FXYD5: variants seen among roughly 807,000 people sequenced by gnomAD.
FXYD5 encodes the protein FXYD domain containing ion transport regulator 5, also known as FXYD domain-containing ion transport regulator 5.
FXYD5 carries 21 observed loss-of-function variants against 25.7 expected under a neutral mutation model. The ratio of observed to expected loss-of-function variants is 0.82; its 90% CI spans 0.58 to 1.18. The LOEUF is 1.18. Ranked by LOEUF, FXYD5 falls within the 50% of genes most tolerant of loss-of-function variation. FXYD5 has a pLI of 0.00. For synonymous variants in FXYD5, 101 were observed against 90.7 expected (o/e 1.11, Z -0.64); for missense variants, 229 against 227.7 (o/e 1.01, Z -0.04).
chr19:35,165,205 G>A (rs573819738), intron 6 of FXYD5, among the ~76,000 whole-genome samples: 33 of 152,330 alleles, frequency 2.2e-4, no homozygotes, highest in African/African-American at 7.9e-4. Context: ...GAAAGTAAAG[G>A]AATAAAGAAT....
chr19:35,168,547 G>A (rs894383595), intron 8 of FXYD5, among the ~76,000 whole-genome samples: 3 of 152,134 alleles, frequency 2.0e-5, no homozygotes, highest in South Asian at 2.1e-4. Flanking sequence ...AGGAGAAGAC[G>A]AGGCCAGAGA....
At position 35,158,349 on chromosome 19, in the gene FXYD5, G is replaced by A; in HGVS notation, c.148G>A (p.Val50Ile). The change falls in exon 4 of 9, where the codon GTC (valine) becomes ATC (isoleucine). Residue 50 changes from valine (V) to isoleucine (I), a missense_variant. Coordinates refer to ENST00000392219, the MANE Select transcript of FXYD5 (RefSeq NM_014164.6). ...TCCTTGTTTCTGGACTCCAGATGCA[G>A]TCTACACAGAACTCCAGCCCACCTC... Reference protein sequence around the residue: ...IQVPTRAPDAVYTELQPTSPT... With the variant: ...IQVPTRAPDAIYTELQPTSPT... 6.2e-7 allele frequency: 1 copy of A among 1,605,756 alleles called. No individual in the cohort carries two copies. The highest frequency in any genetic ancestry group is 1.1e-5 in the South Asian group (1 of 90,842).
chr19:35,169,173 G>A (rs1378333412), intron 8 of FXYD5, among the ~76,000 whole-genome samples: 1 of 151,730 alleles, frequency 6.6e-6, no homozygotes, highest in East Asian at 1.9e-4. Context: ...ATTTCCCTTT[G>A]TAGGACTTAA....
chr19:35,157,306 T>C, intron 2 of FXYD5, 115 bp from the exon 3 acceptor site: 3 of 634,654 alleles, frequency 4.7e-6, no homozygotes, highest in Non-Finnish European at 8.6e-6. Context: ...CAGCCAAAGC[T>C]GAGTGATTCC....
At chr19:35,162,379 A>C (rs1438787710) in intron 5 of FXYD5, among the ~76,000 whole-genome samples, 1 of 152,238 alleles carries the variant, frequency 6.6e-6, no homozygotes. Context: ...TTACGATAAC[A>C]AAATACCACA....
At chr19:35,162,285 C>T (rs2145420733) in intron 5 of FXYD5, among the ~76,000 whole-genome samples, 1 of 152,334 alleles carries the variant, frequency 6.6e-6, no homozygotes, top group South Asian at 2.1e-4. Context: ...GCTTCTCTTC[C>T]ACCTAGGAAG....
Position 35,166,284 on chromosome 19 carries a change from T to C in FXYD5, c.446T>C (p.Val149Ala), listed in dbSNP as rs755229821. 28 of 1,608,156 alleles carry C rather than the reference T, an allele frequency of 1.7e-5. No individual in the cohort carries two copies. The highest frequency in any genetic ancestry group is 2.4e-5 in the Non-Finnish European group (28 of 1,176,450). Residue 149 changes from valine (V) to alanine (A), a missense_variant, in exon 8 of 9, where the codon GTC becomes GCC. By Grantham distance (64) the Val-to-Ala change is moderately conservative. Coordinates refer to ENST00000392219, the MANE Select transcript of FXYD5 (RefSeq NM_014164.6). ...ACCCTCCGGAAACGGGGGCTGTTGG[T>C]CGCAGCTGTGCTGTTCATCACAGGC... The part of the protein sequence containing the change: ...EHTLRKRGLL[V>A]AAVLFITGII...
intron 2 of FXYD5, 142 bp downstream of exon 2, chr19:35,155,753 G>A: frequency 1.4e-6 from 1 of 702,664 alleles, no homozygotes; most frequent in Non-Finnish European, 2.5e-6. Context: ...AGGAAGTGGG[G>A]ATCCCTATGG....
chr19:35,168,220 G>A (rs562056570), intron 8 of FXYD5, among the ~76,000 whole-genome samples: 1 of 152,308 alleles, frequency 6.6e-6, no homozygotes, highest in Non-Finnish European at 1.5e-5. Context: ...GGTGATGCTG[G>A]GGGCATGGTG....
At position 35,160,811 on chromosome 19, in the gene FXYD5, G is replaced by A; in HGVS notation, c.292+10G>A. 6.4e-7 allele frequency: 1 copy of A among 1,553,020 alleles called. No individual in the cohort carries two copies. Among genetic ancestry groups the A allele is most frequent in the South Asian group, 1.1e-5 (1 of 89,870 alleles). Reference sequence around the variant, plus strand: ...AAGAGCACCAAAGCAGGTATAGCATGGGACTGAGAGCAGCAGCCTACGATT... The same window carrying A: ...AAGAGCACCAAAGCAGGTATAGCATAGGACTGAGAGCAGCAGCCTACGATT... On this transcript the variant is annotated intron_variant, in intron 5 of 8. Coordinates refer to ENST00000392219, the MANE Select transcript of FXYD5 (RefSeq NM_014164.6).
In FXYD5 at chr19:35,155,592, C is replaced by T. The variant is rs768999659; in HGVS notation, c.42C>T (p.Gly14=). The T allele has an allele frequency of 1.9e-6, 3 of 1,609,962 alleles. No homozygotes were observed. The Admixed American group carries it at 5.0e-5, about 27-fold the overall frequency. Residue 14 remains glycine (G), a synonymous_variant, in exon 2 of 9, where the codon GGC becomes GGT. Coordinates refer to ENST00000392219, the MANE Select transcript of FXYD5 (RefSeq NM_014164.6). The part of the protein sequence containing the change: ...SGRLCLLTIV[G]LILPTRGQTL... Reference sequence around the variant, plus strand: ...GCCTGTGTCTTCTCACCATCGTTGGCCTGATTCTCCCCACCAGAGGTAAGA... The same window carrying T: ...GCCTGTGTCTTCTCACCATCGTTGGTCTGATTCTCCCCACCAGAGGTAAGA...
chr19:35,165,337 A>G (rs955004561), intron 6 of FXYD5, among the ~76,000 whole-genome samples: 1 of 152,222 alleles, frequency 6.6e-6, no homozygotes, highest in Non-Finnish European at 1.5e-5. Flanking sequence ...GGGGTGGGCA[A>G]TTCCCAGAAC....
intron 3 of FXYD5, 68 bp downstream of exon 3, chr19:35,157,569 C>A: frequency 1.2e-6 from 1 of 841,942 alleles, no homozygotes; most frequent in East Asian, 2.5e-5. Context: ...AAATCCCAAA[C>A]TTGGACCAAA....
Position 35,158,369 on chromosome 19 carries a change from C to T in FXYD5, c.168C>T (p.Pro56=), listed in dbSNP as rs1194504219. Residue 56 remains proline (P), a synonymous_variant, in exon 4 of 9, where the codon CCC becomes CCT. Coordinates refer to ENST00000392219, the MANE Select transcript of FXYD5 (RefSeq NM_014164.6). ...ATGCAGTCTACACAGAACTCCAGCC[C>T]ACCTCTCCAACCCCAACCTGGCCTG... is the stretch of plus-strand genomic sequence containing the variant. ...APDAVYTELQ[P]TSPTPTWPAD... is the part of the protein sequence containing the mutation. 1 of 1,608,482 alleles carries T rather than the reference C, an allele frequency of 6.2e-7. No homozygotes were observed. Among genetic ancestry groups the T allele is most frequent in the Non-Finnish European group, 8.5e-7 (1 of 1,175,002 alleles).
At chr19:35,168,578 A>C (rs2065470987) in intron 8 of FXYD5, among the ~76,000 whole-genome samples, 1 of 152,126 alleles carries the variant, frequency 6.6e-6, no homozygotes, top group African/African-American at 2.4e-5. Context: ...TGGAGGAGGC[A>C]AGGGTGGCAG....
In FXYD5 at chr19:35,164,725, A is replaced by G. The variant is rs1485589333; in HGVS notation, c.382+480A>G. Among the ~76,000 whole-genome samples the G allele has an allele frequency of 7.9e-5, 12 of 152,192 alleles. 1 individual carries two copies. The highest frequency in any genetic ancestry group is 7.9e-4 in the Admixed American group (12 of 15,276). On this transcript the variant is annotated intron_variant, in intron 6 of 8. Transcript: ENST00000392219. ...GGTCACATAGAGAGCCCATTCATCC[A>G]TTCATTCAACAAATAGTCACTGAGT...
At chr19:35,157,572 G>C (rs774181316) in intron 3 of FXYD5, 71 bp downstream of exon 3, 19 of 822,650 alleles carry the variant, frequency 2.3e-5, no homozygotes, top group Middle Eastern at 2.2e-4. Context: ...TCCCAAACTT[G>C]GACCAAACAA....
intron 3 of FXYD5, 128 bp from the exon 4 acceptor site, chr19:35,158,216 A>C (rs1320055628): frequency 7.2e-6 from 5 of 698,964 alleles, no homozygotes; most frequent in Non-Finnish European, 1.3e-5. Context: ...TGGCTGGATT[A>C]ATTAAGCCAT....
intron 5 of FXYD5, among the ~76,000 whole-genome samples, chr19:35,161,145 G>T (rs2145418166): frequency 6.7e-6 from 1 of 150,318 alleles, no homozygotes; most frequent in African/African-American, 2.5e-5. Flanking sequence ...TGTGCCTGTG[G>T]ATATTTCTTT....
Sources: allele counts gnomAD v4.1 joint callset (sites outside exome capture counted in the v4.1 genomes callset), GRCh38; gene constraint gnomAD v4.1.1; transcripts MANE v1.5; gene names NCBI Gene and HGNC (gene_info 2026-07-23, HGNC 2026-07-21).